OXR1: variants seen among roughly 807,000 people sequenced by gnomAD.
The protein encoded by OXR1 is oxidation resistance 1, also known as oxidation resistance protein 1.
A neutral mutation model predicts 104.6 loss-of-function variants in OXR1; 41 were observed. The ratio of observed to expected loss-of-function variants is 0.39; its 90% CI spans 0.31 to 0.51. The LOEUF is 0.51. Ranked by LOEUF, OXR1 falls within the 20% of genes least tolerant of loss-of-function variation. The probability of loss-of-function intolerance (pLI) is 0.77; values close to 1 mark genes in which losing one functional copy is unlikely to be tolerated. For missense variants in OXR1, 955 were observed against 1,031.9 expected (o/e 0.93, Z 1.02); for synonymous variants, 348 against 348.4 (o/e 1.00, Z 0.01).
intron 2 of OXR1, among the ~76,000 whole-genome samples, chr8:106,488,364 T>G (rs1020230470): frequency 8.7e-5 from 12 of 137,254 alleles, no homozygotes; most frequent in East Asian, 2.1e-4. Flanking sequence ...TTTCTCCCAT[T>G]TTGTAGGTTG....
At chr8:106,556,224 G>T (rs1273034393) in intron 3 of OXR1, among the ~76,000 whole-genome samples, 1 of 152,022 alleles carries the variant, frequency 6.6e-6, no homozygotes, top group African/African-American at 2.4e-5. Flanking sequence ...CTGGATAGAG[G>T]TGGTGGTTGC....
At chr8:106,490,926 A>G (rs1811044214) in intron 2 of OXR1, among the ~76,000 whole-genome samples, 2 of 152,116 alleles carry the variant, frequency 1.3e-5, no homozygotes. Flanking sequence ...TCTGAGGGAT[A>G]TATACATTTA....
intron 7 of OXR1, among the ~76,000 whole-genome samples, chr8:106,694,475 A>ATATATATTTAATATATATAAATATATTTT (rs1563715806): frequency 2.6e-4 from 30 of 113,828 alleles, no homozygotes; most frequent in Admixed American, 2.5e-3. Context: ...AAATATATTT[A>ATATATATTTAATATATATAAATATATTTT]TATATATATT....
At chr8:106,408,424 T>A (rs556139940) in intron 2 of OXR1, among the ~76,000 whole-genome samples, 2 of 152,222 alleles carry the variant, frequency 1.3e-5, no homozygotes, top group Non-Finnish European at 2.9e-5. Flanking sequence ...CTTCTCCTCC[T>A]CCCCCTGCTT....
intron 2 of OXR1, among the ~76,000 whole-genome samples, chr8:106,511,445 G>GAAGACCA (rs1207533828): frequency 2.6e-5 from 4 of 152,136 alleles, no homozygotes; most frequent in African/African-American, 9.7e-5. Context: ...ACCACAGATG[G>GAAGACCA]TCTTCTTGCT....
At chr8:106,498,797 G>A (rs1213251665) in intron 2 of OXR1, among the ~76,000 whole-genome samples, 2 of 152,154 alleles carry the variant, frequency 1.3e-5, no homozygotes, top group East Asian at 1.9e-4. Context: ...ATAATTTTAT[G>A]TGCCATTAGT....
chr8:106,545,779 C>T (rs1410240895), intron 3 of OXR1, among the ~76,000 whole-genome samples: 1 of 152,094 alleles, frequency 6.6e-6, no homozygotes, highest in African/African-American at 2.4e-5. Context: ...GAGTGGATCA[C>T]TTAAGCCCAA....
chr8:106,709,140 C>G (rs1831446736), intron 9 of OXR1, among the ~76,000 whole-genome samples: 1 of 152,050 alleles, frequency 6.6e-6, no homozygotes, highest in Non-Finnish European at 1.5e-5. Flanking sequence ...TAAAAATCTT[C>G]TGGAATTCAT....
At chr8:106,626,407 C>G (rs1472784569) in intron 3 of OXR1, among the ~76,000 whole-genome samples, 1 of 150,838 alleles carries the variant, frequency 6.6e-6, no homozygotes, top group South Asian at 2.1e-4. Context: ...ACATGTCATT[C>G]TCTGTATGGC....
At chr8:106,571,279 G>A (rs565515100) in intron 3 of OXR1, among the ~76,000 whole-genome samples, 1 of 152,086 alleles carries the variant, frequency 6.6e-6, no homozygotes, top group Non-Finnish European at 1.5e-5. Flanking sequence ...CAGGGTGCCA[G>A]TGTGGTTGGG....
chr8:106,581,381 C>G, intron 3 of OXR1: 1 of 462,702 alleles, frequency 2.2e-6, no homozygotes, highest in East Asian at 7.3e-5. Flanking sequence ...GAGTATTATG[C>G]AAATAATAGT....
intron 2 of OXR1, among the ~76,000 whole-genome samples, chr8:106,405,180 ATATATATATATATATATATATAGTGT>A (rs1818178355): frequency 1.5e-3 from 38 of 24,562 alleles, no homozygotes; most frequent in Admixed American, 3.8e-3. Context: ...ATATATATAT[ATATATATATATATATATATATAGTGT>A]GTGTGTGTGT....
intron 3 of OXR1, among the ~76,000 whole-genome samples, chr8:106,541,252 G>A (rs2130327157): frequency 6.6e-6 from 1 of 152,254 alleles, no homozygotes; most frequent in Non-Finnish European, 1.5e-5. Flanking sequence ...TTAGTAGTGT[G>A]TCAGACACAT....
At chr8:106,411,088 T>C (rs1164737153) in intron 2 of OXR1, among the ~76,000 whole-genome samples, 2 of 62,354 alleles carry the variant, frequency 3.2e-5, no homozygotes, top group Non-Finnish European at 5.6e-5. Flanking sequence ...ATATTTGAGA[T>C]GAGTGTAATA....
At position 106,737,644 on chromosome 8, in the gene OXR1, C is replaced by G. The variant is rs1048590815; in HGVS notation, c.2037+44C>G. On this transcript the variant is annotated intron_variant, in intron 12 of 16. Transcript: ENST00000517566. ...TAAACCCCTCCAGAGACTAAATACTCCCTGTTTTTAGTGTTCTTTGTCATG... is the reference window on the plus strand; with the variant it reads ...TAAACCCCTCCAGAGACTAAATACTGCCTGTTTTTAGTGTTCTTTGTCATG... 4.1e-6 allele frequency: 3 copies of G among 724,360 alleles called. No homozygotes were observed. The African/African-American group carries it at 5.5e-5, about 13-fold the overall frequency. 44.9% of individuals were successfully genotyped at this position (724,360 alleles called of 1,614,324 possible).
chr8:106,402,653 A>C (rs1428864954), intron 2 of OXR1, among the ~76,000 whole-genome samples: 1 of 152,122 alleles, frequency 6.6e-6, no homozygotes, highest in Non-Finnish European at 1.5e-5. Context: ...AGGTCTGATT[A>C]TTTCTTTTCC....
chr8:106,302,585 CA>C (rs201231695), intron 1 of OXR1, among the ~76,000 whole-genome samples: 41,052 of 125,248 alleles, frequency 0.33, 5,754 homozygotes, highest in East Asian at 0.58. Context: ...GATGCTGTCT[CA>C]AAAAAAAAAA....
chr8:106,533,535 C>T (rs1022231284), intron 3 of OXR1, among the ~76,000 whole-genome samples: 2 of 152,146 alleles, frequency 1.3e-5, no homozygotes, highest in African/African-American at 4.8e-5. Context: ...AGGATTCATT[C>T]TGTTTAAACA....
At chr8:106,352,665 T>C (rs984595659) in intron 1 of OXR1, among the ~76,000 whole-genome samples, 1 of 152,156 alleles carries the variant, frequency 6.6e-6, no homozygotes, top group African/African-American at 2.4e-5. Context: ...TCTCTATATG[T>C]GTATTGATGG....
Sources: gnomAD v4.1 joint callset for allele counts (sites outside exome capture counted in the v4.1 genomes callset) on GRCh38, gnomAD v4.1.1 for gene constraint, MANE v1.5 for transcripts, NCBI Gene and HGNC (gene_info 2026-07-23, HGNC 2026-07-21) for gene names.